CCDC7: variants seen among roughly 807,000 people sequenced by gnomAD.
CCDC7 encodes coiled-coil domain-containing protein 7.
A neutral mutation model predicts 196.9 loss-of-function variants in CCDC7; 183 were observed. The observed-to-expected ratio is 0.93, with a 90% CI of 0.82 to 1.05. The LOEUF (loss-of-function observed/expected upper bound fraction) is 1.05, where lower values mean the gene tolerates loss of function less well. Among genes scored for constraint, CCDC7 ranks in the 50% least tolerant of loss-of-function variants. CCDC7 has a pLI of 0.00. For missense variants in CCDC7, 1,540 were observed against 1,482.2 expected, an observed-to-expected ratio of 1.04 and a Z score of -0.64; for synonymous variants, 525 against 484.6, an observed-to-expected ratio of 1.08 and a Z score of -1.10.
chr10:32,828,543 GA>G (rs2091721775), intron 32 of CCDC7, among the ~76,000 whole-genome samples: 1 of 147,406 alleles, frequency 6.8e-6, no homozygotes, highest in Non-Finnish European at 1.5e-5. Flanking sequence ...AGAAGAAGAA[GA>G]AGAAGAAGAA....
At chr10:32,767,706 A>G (rs932476876) in intron 28 of CCDC7, among the ~76,000 whole-genome samples, 1 of 152,152 alleles carries the variant, frequency 6.6e-6, no homozygotes, top group African/African-American at 2.4e-5. Context: ...ATGCCCAGAC[A>G]TTAACAAATG....
chr10:32,681,088 T>C (rs1197771326), intron 21 of CCDC7, among the ~76,000 whole-genome samples: 4 of 152,190 alleles, frequency 2.6e-5, no homozygotes, highest in African/African-American at 9.7e-5. Context: ...TAACAAAAGA[T>C]CTCTTCAAGA....
intron 28 of CCDC7, among the ~76,000 whole-genome samples, chr10:32,747,044 C>T (rs984707693): frequency 2.6e-5 from 4 of 152,218 alleles, no homozygotes; most frequent in African/African-American, 9.6e-5. Context: ...AAGCACTTTG[C>T]TGGGACCCCC....
chr10:32,451,496 G>A, upstream of CCDC7: 3 of 1,202,762 alleles, frequency 2.5e-6, no homozygotes, highest in Non-Finnish European at 3.3e-6. Flanking sequence ...AATGTACTCT[G>A]AGCAAATTGC....
Position 32,701,152 on chromosome 10 carries a change from G to A in CCDC7, c.2458+6160G>A, listed in dbSNP as rs548137417. Among the ~76,000 whole-genome samples, 52 of 152,232 alleles carry A rather than the reference G, an allele frequency of 3.4e-4. 1 individual carries two copies. The highest frequency in any genetic ancestry group is 1.1e-3 in the African/African-American group (44 of 41,544). On this transcript the variant is annotated intron_variant, in intron 24 of 41. Transcript: ENST00000639629. ...TTGTGCCAGTTTTCAAAGGGAATGC[G>A]TCCAGTTTTTGTCCATTCAGTATGA... is the stretch of plus-strand genomic sequence containing the variant.
intron 4 of CCDC7, 53 bp downstream of exon 5, chr10:32,462,756 A>G: frequency 7.1e-7 from 1 of 1,414,718 alleles, no homozygotes. Context: ...ACAGAAATAC[A>G]TGCCAATGAA....
chr10:32,731,215 C>A (rs1052494391), intron 28 of CCDC7, among the ~76,000 whole-genome samples: 3 of 152,050 alleles, frequency 2.0e-5, no homozygotes, highest in Non-Finnish European at 4.4e-5. Flanking sequence ...GGTCTTTTGA[C>A]TAAAAGTCTA....
exon 1 of CCDC7, chr10:32,451,803 G>T: frequency 6.2e-7 from 1 of 1,614,178 alleles, no homozygotes. Flanking sequence ...ATGGTCCTAA[G>T]ATCTCCACCA....
At chr10:32,812,281 A>G (rs1236087339) in intron 30 of CCDC7, among the ~76,000 whole-genome samples, 2 of 152,074 alleles carry the variant, frequency 1.3e-5, no homozygotes, top group East Asian at 1.9e-4. Context: ...GAACAAATTA[A>G]TAGAACCAGA....
At position 32,640,896 on chromosome 10, in the gene CCDC7, C is replaced by CT. The variant is rs1330810235; in HGVS notation, c.2014+5739dup. Among the ~76,000 whole-genome samples the CT allele has an allele frequency of 3.5e-4, 25 of 71,054 alleles. No homozygotes were observed. The East Asian group carries it at 0.012, about 34-fold the overall frequency. 46.6% of individuals were successfully genotyped at this position (71,054 alleles called of 152,430 possible). On this transcript the variant is annotated intron_variant, in intron 20 of 41. Coordinates refer to ENST00000639629, the Ensembl canonical transcript of CCDC7. ...TTTTTCTTTTTTTTTTTATTATACT[C>CT]TAAGTTTTAGGGTACATGTGCACAT...
intron 1 of CCDC7, chr10:32,446,636 G>A (rs2031138477): frequency 6.6e-6 from 1 of 152,162 alleles, no homozygotes; most frequent in South Asian, 2.1e-4. Context: ...ATGAATGTAA[G>A]TTAATCCTTG....
intron 21 of CCDC7, among the ~76,000 whole-genome samples, chr10:32,683,967 A>C (rs1017430350): frequency 6.6e-6 from 1 of 152,110 alleles, no homozygotes; most frequent in Admixed American, 6.5e-5. Flanking sequence ...CTGTCTCTCT[A>C]TCCTCAGGGC....
intron 11 of CCDC7, among the ~76,000 whole-genome samples, chr10:32,519,880 C>T (rs1162409221): frequency 6.6e-6 from 1 of 152,062 alleles, no homozygotes; most frequent in African/African-American, 2.4e-5. Flanking sequence ...TCTCACACTC[C>T]AAGCCTCTGG....
chr10:32,691,311 A>T (rs2077053841), intron 23 of CCDC7, among the ~76,000 whole-genome samples: 1 of 152,120 alleles, frequency 6.6e-6, no homozygotes, highest in Non-Finnish European at 1.5e-5. Context: ...CTACCTGGCC[A>T]GGAGGTTCTT....
At chr10:32,617,485 T>G (rs949113714) in intron 18 of CCDC7, among the ~76,000 whole-genome samples, 12 of 151,834 alleles carry the variant, frequency 7.9e-5, no homozygotes, top group Admixed American at 7.9e-4. Flanking sequence ...GTATGTTGTG[T>G]TTTCATTTTC....
At chr10:32,565,287 A>G (rs1350923658) in intron 13 of CCDC7, among the ~76,000 whole-genome samples, 1 of 152,210 alleles carries the variant, frequency 6.6e-6, no homozygotes, top group African/African-American at 2.4e-5. Flanking sequence ...TTCTTTTTAA[A>G]TATTTCAGGC....
intron 16 of CCDC7, 111 bp downstream of exon 17, chr10:32,572,004 CT>C: frequency 9.8e-7 from 1 of 1,020,322 alleles, no homozygotes; most frequent in Non-Finnish European, 1.3e-6. Context: ...CTCTTTGAAA[CT>C]AATTTTAAGT....
intron 20 of CCDC7, among the ~76,000 whole-genome samples, chr10:32,638,867 T>C (rs1316844947): frequency 6.6e-6 from 1 of 152,198 alleles, no homozygotes; most frequent in East Asian, 1.9e-4. Flanking sequence ...TCCTGGACTT[T>C]TTTTGGTTGG....
intron 28 of CCDC7, among the ~76,000 whole-genome samples, chr10:32,767,405 T>G (rs955826665): frequency 6.6e-6 from 1 of 152,148 alleles, no homozygotes; most frequent in African/African-American, 2.4e-5. Flanking sequence ...AATGTGTTTT[T>G]CTAAACTATT....
Sources: gnomAD v4.1 joint callset for allele counts (sites outside exome capture counted in the v4.1 genomes callset) on GRCh38, gnomAD v4.1.1 for gene constraint, MANE v1.5 for transcripts, NCBI Gene and HGNC (gene_info 2026-07-23, HGNC 2026-07-21) for gene names.